RNF217: variants seen among roughly 807,000 people sequenced by gnomAD.
RNF217 encodes ring finger protein 217, also known as E3 ubiquitin-protein ligase RNF217.
A neutral mutation model predicts 57.8 loss-of-function variants in RNF217; 31 were observed. That is an observed-to-expected ratio of 0.54 (90% CI 0.40 to 0.72). The LOEUF (loss-of-function observed/expected upper bound fraction) is 0.72, where lower values mean the gene tolerates loss of function less well. Ranked by LOEUF, RNF217 falls within the 30% of genes least tolerant of loss-of-function variation. The pLI is 0.00. For synonymous variants in RNF217, 313 were observed against 294.0 expected (o/e 1.06, Z -0.66); for missense variants, 696 against 708.3 (o/e 0.98, Z 0.20).
chr6:124,972,615 C>A (rs1783804540), intron 1 of RNF217, among the ~76,000 whole-genome samples: 3 of 152,066 alleles, frequency 2.0e-5, no homozygotes, highest in African/African-American at 4.8e-5. Context: ...TTTTTTTCTT[C>A]TTTGAATGCT....
chr6:124,982,917 T>C (rs1784229784), intron 1 of RNF217, among the ~76,000 whole-genome samples: 2 of 152,198 alleles, frequency 1.3e-5, no homozygotes, highest in Admixed American at 1.3e-4. Context: ...ATTGAAGAGC[T>C]GTGAAGGGAA....
chr6:125,003,322 G>A (rs1184610309), intron 1 of RNF217, among the ~76,000 whole-genome samples: 1 of 152,148 alleles, frequency 6.6e-6, no homozygotes, highest in African/African-American at 2.4e-5. Context: ...CACTGGCTCT[G>A]GAGTCAGACT....
chr6:124,990,532 T>C (rs979806329), intron 1 of RNF217, among the ~76,000 whole-genome samples: 1 of 152,246 alleles, frequency 6.6e-6, no homozygotes, highest in African/African-American at 2.4e-5. Flanking sequence ...CCATTCCATT[T>C]TTCCAGTTGC....
chr6:125,082,934 G>A lies in RNF217; in HGVS notation c.1626G>A (p.Trp542Ter), dbSNP rs760321373. Residue 542 changes from tryptophan to a stop codon, truncating the protein, a stop_gained, in exon 6 of 6, where the codon TGG (tryptophan) becomes TGA (stop). Transcript: ENST00000521654. LOFTEE classifies it high-confidence loss of function. ...AACGATCACGGACAGGTATGCACTG[G>A]TAACATGCAGATGATTTCATCCAGC... Reference protein sequence around the residue: ...QRKRSRTGMHW With the variant: ...QRKRSRTGMH 2 of 1,593,982 alleles carry A rather than the reference G, an allele frequency of 1.3e-6. No homozygotes were observed. Among genetic ancestry groups the A allele is most frequent in the Non-Finnish European group, 8.5e-7 (1 of 1,173,366 alleles).
At chr6:124,964,930 C>T (rs1783478866) in intron 1 of RNF217, among the ~76,000 whole-genome samples, 1 of 152,174 alleles carries the variant, frequency 6.6e-6, no homozygotes, top group Non-Finnish European at 1.5e-5. Context: ...GTAACAATTC[C>T]AGATAGCACT....
Position 125,006,976 on chromosome 6 carries a change from G to A in RNF217, c.883-38235G>A, listed in dbSNP as rs185846923. ...AAAAAGAAAAAAAGAATGCATGATA[G>A]ACATCTTTGTGTATATAGCTTTGTC... On this transcript the variant is annotated intron_variant, in intron 1 of 5. Coordinates refer to ENST00000521654, the MANE Select transcript of RNF217 (RefSeq NM_001286398.3). Among the ~76,000 whole-genome samples, 58 of 152,254 alleles carry A rather than the reference G, an allele frequency of 3.8e-4. 1 individual carries two copies. The highest frequency in any genetic ancestry group is 2.9e-3 in the Admixed American group (44 of 15,292).
intron 1 of RNF217, among the ~76,000 whole-genome samples, chr6:125,016,910 A>G (rs772474669): frequency 6.6e-6 from 1 of 152,208 alleles, no homozygotes; most frequent in Non-Finnish European, 1.5e-5. Flanking sequence ...CTGCACATGT[A>G]TCACATAAAG....
chr6:125,031,005 C>T (rs571318993), intron 1 of RNF217, among the ~76,000 whole-genome samples: 120 of 152,366 alleles, frequency 7.9e-4, no homozygotes, highest in African/African-American at 2.8e-3. Context: ...TTCCAAACCT[C>T]AGTTCTTGAC....
chr6:125,054,087 G>A (rs1678485412), intron 2 of RNF217, among the ~76,000 whole-genome samples: 1 of 152,090 alleles, frequency 6.6e-6, no homozygotes, highest in Non-Finnish European at 1.5e-5. Flanking sequence ...CAAAGCCTTT[G>A]ACAAACACAG....
intron 1 of RNF217, among the ~76,000 whole-genome samples, chr6:125,030,174 T>C (rs1786291621): frequency 6.6e-6 from 1 of 152,278 alleles, no homozygotes; most frequent in African/African-American, 2.4e-5. Context: ...CTCCATGATT[T>C]AGTTACCTCC....
At chr6:125,032,787 C>T (rs527511124) in intron 1 of RNF217, among the ~76,000 whole-genome samples, 64 of 151,926 alleles carry the variant, frequency 4.2e-4, no homozygotes, top group African/African-American at 1.2e-3. Flanking sequence ...TAAGGGAGCA[C>T]GAACATTCAG....
intron 1 of RNF217, among the ~76,000 whole-genome samples, chr6:124,974,419 T>C (rs1209285912): frequency 1.3e-5 from 2 of 152,214 alleles, no homozygotes; most frequent in Admixed American, 6.5e-5. Flanking sequence ...TTAAATAATT[T>C]AATAATACAG....
chr6:125,036,004 A>G (rs1283918917), intron 1 of RNF217, among the ~76,000 whole-genome samples: 1 of 151,864 alleles, frequency 6.6e-6, no homozygotes, highest in Non-Finnish European at 1.5e-5. Flanking sequence ...GGTTTGCTGC[A>G]CCCATCAACC....
intron 1 of RNF217, among the ~76,000 whole-genome samples, chr6:124,973,917 G>A (rs143758706): frequency 6.6e-6 from 1 of 152,318 alleles, no homozygotes; most frequent in African/African-American, 2.4e-5. Context: ...TTCTCATTTG[G>A]TTGTAGTCAG....
rs1435695807 is a variant in RNF217 at position 125,087,200 on chromosome 6, C to A, written c.*4263C>A. On this transcript the variant is annotated 3_prime_UTR_variant, in exon 6 of 6. Coordinates refer to ENST00000521654, the MANE Select transcript of RNF217 (RefSeq NM_001286398.3). ...TTAAATGAAATTGTTTTTAACATTACACTTTTATACTGGCTGTTACATTAG... is the reference window on the plus strand; with the variant it reads ...TTAAATGAAATTGTTTTTAACATTAAACTTTTATACTGGCTGTTACATTAG... The A allele has an allele frequency of 6.6e-6, 1 of 152,166 alleles. No homozygotes were observed. The highest frequency in any genetic ancestry group is 1.9e-4 in the East Asian group (1 of 5,200). 9.4% of individuals were successfully genotyped at this position (152,166 alleles called of 1,614,324 possible).
At chr6:125,045,594 T>C in intron 2 of RNF217, 150 bp downstream of exon 2, 1 of 615,756 alleles carries the variant, frequency 1.6e-6, no homozygotes, top group Non-Finnish European at 2.9e-6. Context: ...GCATATGGTT[T>C]GGGGAGGCTG....
chr6:125,076,712 C>T lies in RNF217; in HGVS notation c.1337C>T (p.Thr446Ile). 1 of 1,613,258 alleles carries T rather than the reference C, an allele frequency of 6.2e-7. No individual in the cohort carries two copies. The highest frequency in any genetic ancestry group is 8.5e-7 in the Non-Finnish European group (1 of 1,179,390). The change falls in exon 4 of 6, where the codon ACT (threonine) becomes ATT (isoleucine). Residue 446 changes from threonine (T) to isoleucine (I), a missense_variant. Thr to Ile is a moderately conservative substitution (Grantham distance 89). This residue lies in a region of RNF217 where 231 missense variants were observed against 321.4 expected (regional missense o/e 0.72). Transcript: ENST00000521654. ...CDHMTCSQCN[T>I]NFCYRCGERY... ...CATATGACCTGCTCACAATGTAACA[C>T]TAATTTTTGTTACCGATGTGGTGAG...
intron 2 of RNF217, among the ~76,000 whole-genome samples, chr6:125,051,555 C>T (rs1462515722): frequency 6.6e-6 from 1 of 152,032 alleles, no homozygotes; most frequent in African/African-American, 2.4e-5. Context: ...ACCAGTTGGC[C>T]ATGCAGACTC....
chr6:125,034,021 T>G (rs1460588800), intron 1 of RNF217, among the ~76,000 whole-genome samples: 3 of 152,034 alleles, frequency 2.0e-5, no homozygotes, highest in Middle Eastern at 3.4e-3. Flanking sequence ...TCATATCCTT[T>G]GCCCACTTTT....
Sources: gnomAD v4.1 joint callset for allele counts (sites outside exome capture counted in the v4.1 genomes callset) on GRCh38, gnomAD v4.1.1 for gene constraint, gnomAD v4.1.1 regional missense constraint, MANE v1.5 for transcripts, NCBI Gene and HGNC (gene_info 2026-07-23, HGNC 2026-07-21) for gene names.